KLHL42: variants seen among roughly 807,000 people sequenced by gnomAD.
KLHL42 encodes the protein kelch-like protein 42.
In KLHL42, 27 loss-of-function variants were observed where a neutral mutation model predicts 32.7. The ratio of observed to expected loss-of-function variants is 0.83; its 90% CI spans 0.61 to 1.14. The LOEUF (loss-of-function observed/expected upper bound fraction) is 1.14. Ranked by LOEUF, KLHL42 falls within the 50% of genes most tolerant of loss-of-function variation. The probability of loss-of-function intolerance (pLI) is 0.00; values close to 1 mark genes in which losing one functional copy is unlikely to be tolerated. For missense variants in KLHL42, 491 were observed against 560.8 expected, an observed-to-expected ratio of 0.88 and a Z score of 1.26; for synonymous variants, 267 against 248.2, an observed-to-expected ratio of 1.08 and a Z score of -0.71.
rs1483840109 is a variant in KLHL42 at position 27,798,335 on chromosome 12, G to T, written c.*169G>T. 2 of 546,536 alleles carry T rather than the reference G, an allele frequency of 3.7e-6. No individual in the cohort carries two copies. The highest frequency in any genetic ancestry group is 6.4e-6 in the Non-Finnish European group (2 of 310,416). 33.9% of individuals were successfully genotyped at this position (546,536 alleles called of 1,614,324 possible). On this transcript the variant is annotated 3_prime_UTR_variant, in exon 3 of 3. Coordinates refer to ENST00000381271, the MANE Select transcript of KLHL42 (RefSeq NM_020782.2). The stretch of plus-strand genomic sequence containing the variant: ...ACTTGAACTAATTACTTGAAAACTG[G>T]TGGAAAAAAGAGACCAACTTTGTTA...
chr12:27,786,000 C>G (rs2062170416), intron 1 of KLHL42, among the ~76,000 whole-genome samples: 1 of 152,082 alleles, frequency 6.6e-6, no homozygotes, highest in South Asian at 2.1e-4. Context: ...GGTACTGTTC[C>G]CGCTGCTTTG....
Position 27,791,785 on chromosome 12 carries a change from AC to A in KLHL42, c.951del (p.Tyr317Ter). 6.2e-7 allele frequency: 1 copy of A among 1,614,214 alleles called. No homozygotes were observed. Among genetic ancestry groups the A allele is most frequent in the Non-Finnish European group, 8.5e-7 (1 of 1,180,010 alleles). On this transcript the variant is annotated frameshift_variant, in exon 2 of 3. Coordinates refer to ENST00000381271, the MANE Select transcript of KLHL42 (RefSeq NM_020782.2). LOFTEE classifies it high-confidence loss of function. ...GGQAVSNVECYNPEQDAWNFV... is the reference protein window; with the variant it reads ...GGQAVSNVECXNPEQDAWNFV... The stretch of plus-strand genomic sequence containing the variant: ...CAGGCCGTTTCTAACGTTGAGTGTT[AC>A]AACCCCGAGCAGGATGCGTGGAATT...
Position 27,798,048 on chromosome 12 carries a change from G to A in KLHL42, c.1400G>A (p.Arg467Gln). ...ACCCTGTCGACCAGCTTGGAACACC[G>A]AGTGTTCCTCAAGTACAACATCTTT... ...DVTLSTSLEH[R>Q]VFLKYNIFSD... The change falls in exon 3 of 3, where the codon CGA becomes CAA. Residue 467 changes from arginine to glutamine, a missense_variant. By Grantham distance (43) the Arg-to-Gln change is conservative. Around this residue, in one of 4 missense-constraint regions of KLHL42, gnomAD observed 152 missense variants for 125.9 expected, o/e 1.21. Coordinates refer to ENST00000381271, the MANE Select transcript of KLHL42 (RefSeq NM_020782.2). 1.3e-6 allele frequency: 1 copy of A among 781,048 alleles called. No individual in the cohort carries two copies. The highest frequency in any genetic ancestry group is 2.4e-6 in the Non-Finnish European group (1 of 418,140). 48.4% of individuals were successfully genotyped at this position (781,048 alleles called of 1,614,324 possible). A position where few individuals can be genotyped will look rare whatever the true frequency, so the allele number is the denominator to read the frequency against.
chr12:27,795,855 C>G (rs2062216197), intron 2 of KLHL42, among the ~76,000 whole-genome samples: 1 of 152,168 alleles, frequency 6.6e-6, no homozygotes, highest in Non-Finnish European at 1.5e-5. Context: ...ACAAAAAGAT[C>G]ATTCCACCAA....
chr12:27,786,152 GTTATAACCACTTAAATTGT>G (rs1260691635), intron 1 of KLHL42, among the ~76,000 whole-genome samples: 4 of 152,198 alleles, frequency 2.6e-5, no homozygotes, highest in Non-Finnish European at 4.4e-5. Flanking sequence ...CCATTGAGTA[GTTATAACCACTTAAATTGT>G]TTATAAGTTT....
In KLHL42 at chr12:27,802,666, G is replaced by A. The variant is rs1240642402; in HGVS notation, c.*4500G>A. ...CTGAAATGACTTGTACGGTTGGCTG[G>A]TGCTTTCTCAAATGGATTGCCATAG... On this transcript the variant is annotated 3_prime_UTR_variant, in exon 3 of 3. Transcript: ENST00000381271. The A allele has an allele frequency of 6.6e-6, 1 of 152,504 alleles. No homozygotes were observed. The highest frequency in any genetic ancestry group is 2.1e-4 in the South Asian group (1 of 4,824). 9.4% of individuals were successfully genotyped at this position (152,504 alleles called of 1,614,324 possible). A position where few individuals can be genotyped will look rare whatever the true frequency, so the allele number is the denominator to read the frequency against.
chr12:27,796,322 A>T (rs2062218409), intron 2 of KLHL42, among the ~76,000 whole-genome samples: 1 of 152,210 alleles, frequency 6.6e-6, no homozygotes, highest in African/African-American at 2.4e-5. Context: ...AACTTCTGAG[A>T]AAACGAGCTG....
intron 1 of KLHL42, among the ~76,000 whole-genome samples, chr12:27,786,622 G>A (rs2062172881): frequency 6.6e-6 from 1 of 151,606 alleles, no homozygotes; most frequent in African/African-American, 2.4e-5. Flanking sequence ...ATTTTACTTT[G>A]ATAAAGGGGT....
At chr12:27,796,440 A>G (rs2062218934) in intron 2 of KLHL42, among the ~76,000 whole-genome samples, 1 of 152,220 alleles carries the variant, frequency 6.6e-6, no homozygotes, top group Non-Finnish European at 1.5e-5. Flanking sequence ...TTTGTTTAGA[A>G]ACAACAACAA....
rs546954031 is a variant in KLHL42, at chr12:27,791,486, G to A, written c.873-222G>A. On this transcript the variant is annotated intron_variant, in intron 1 of 2. Transcript: ENST00000381271. The stretch of plus-strand genomic sequence containing the variant: ...TTGTTGTATTGAACTGCTTATCTTC[G>A]ATAGCTAGTGTTTGGACAGTGTGCC... Among the ~76,000 whole-genome samples, 22 of 152,262 alleles carry A rather than the reference G, an allele frequency of 1.4e-4. No individual in the cohort carries two copies. The East Asian group carries it at 2.9e-3, about 20-fold the overall frequency.
intron 2 of KLHL42, among the ~76,000 whole-genome samples, chr12:27,793,362 A>G (rs2062205489): frequency 6.6e-6 from 1 of 151,668 alleles, no homozygotes; most frequent in Non-Finnish European, 1.5e-5. Flanking sequence ...CAACACAGCA[A>G]GACCCCTTCT....
rs916445552 is a variant in KLHL42, at chr12:27,791,618, T to A, written c.873-90T>A. On this transcript the variant is annotated intron_variant, in intron 1 of 2. Coordinates refer to ENST00000381271, the MANE Select transcript of KLHL42 (RefSeq NM_020782.2). Reference sequence around the variant, plus strand: ...ACTGGGAGAGCGAATTTTCTTCAGATGTTCAGGAGAGTCTAGTAGTTCATG... The same window carrying A: ...ACTGGGAGAGCGAATTTTCTTCAGAAGTTCAGGAGAGTCTAGTAGTTCATG... 3 of 1,124,714 alleles carry A rather than the reference T, an allele frequency of 2.7e-6. No individual in the cohort carries two copies. In the African/African-American group the frequency reaches 4.7e-5, roughly 17 times the overall value. The allele number at this position is 1,124,714 out of a possible 1,614,324, so 69.7% of individuals were successfully genotyped here. A position where few individuals can be genotyped will look rare whatever the true frequency, so the allele number is the denominator to read the frequency against.
intron 1 of KLHL42, among the ~76,000 whole-genome samples, chr12:27,783,892 C>T (rs143070721): frequency 0.017 from 2,582 of 152,096 alleles, 36 homozygotes; most frequent in Admixed American, 0.033. Context: ...CCTTACCTCA[C>T]GCTTTTTAAT....
Position 27,801,116 on chromosome 12 carries a change from G to A in KLHL42, c.*2950G>A, listed in dbSNP as rs1378238897. The stretch of plus-strand genomic sequence containing the variant: ...ACAGTATTGGTTAAGTCACAACGAC[G>A]AAGTGCTGAGAAGGTTATGGGTACC... On this transcript the variant is annotated 3_prime_UTR_variant, in exon 3 of 3. Coordinates refer to ENST00000381271, the MANE Select transcript of KLHL42 (RefSeq NM_020782.2). 6.6e-6 allele frequency: 1 copy of A among 152,576 alleles called. No homozygotes were observed. Among genetic ancestry groups the A allele is most frequent in the Non-Finnish European group, 1.5e-5 (1 of 68,026 alleles). 9.5% of individuals were successfully genotyped at this position (152,576 alleles called of 1,614,324 possible).
Position 27,798,488 on chromosome 12 carries a change from A to G in KLHL42, c.*322A>G. On this transcript the variant is annotated 3_prime_UTR_variant, in exon 3 of 3. Coordinates refer to ENST00000381271, the MANE Select transcript of KLHL42 (RefSeq NM_020782.2). ...GTGTGGTAAAGGGCCAAAGTCAATA[A>G]TTGGGACAAATGGTAAAGATGATTT... 1 of 265,584 alleles carries G rather than the reference A, an allele frequency of 3.8e-6. No homozygotes were observed. Among genetic ancestry groups the G allele is most frequent in the Non-Finnish European group, 7.2e-6 (1 of 139,024 alleles). The allele number at this position is 265,584 out of a possible 1,614,324, so 16.5% of individuals were successfully genotyped here. A position where few individuals can be genotyped will look rare whatever the true frequency, so the allele number is the denominator to read the frequency against.
At chr12:27,796,186 C>T (rs913762659) in intron 2 of KLHL42, among the ~76,000 whole-genome samples, 7 of 152,210 alleles carry the variant, frequency 4.6e-5, no homozygotes, top group Non-Finnish European at 7.3e-5. Flanking sequence ...GACATGTGCG[C>T]GCACAGGACT....
At position 27,800,116 on chromosome 12, in the gene KLHL42, A is replaced by G; in HGVS notation, c.*1950A>G. The G allele has an allele frequency of 1.0e-6, 1 of 984,876 alleles. No individual in the cohort carries two copies. Among genetic ancestry groups the G allele is most frequent in the Non-Finnish European group, 1.2e-6 (1 of 829,422 alleles). The allele number at this position is 984,876 out of a possible 1,614,324, so 61.0% of individuals were successfully genotyped here. The stretch of plus-strand genomic sequence containing the variant: ...ACTTTTTAAAGGCTTTGTCCTATAC[A>G]TTTAGAAGATGAGTCAGTTGAATTA... On this transcript the variant is annotated 3_prime_UTR_variant, in exon 3 of 3. Transcript: ENST00000381271.
In KLHL42 at chr12:27,797,935, C is replaced by G. The variant is rs527486946; in HGVS notation, c.1287C>G (p.Leu429=). 1.3e-6 allele frequency: 1 copy of G among 781,008 alleles called. No individual in the cohort carries two copies. The highest frequency in any genetic ancestry group is 1.3e-5 in the South Asian group (1 of 74,630). The allele number at this position is 781,008 out of a possible 1,614,324, so 48.4% of individuals were successfully genotyped here. The part of the protein sequence containing the change: ...QSYNTVTRQW[L]YLKENTSKSG... ...ACAACACCGTCACCCGCCAGTGGCT[C>G]TACCTCAAGGAGAACACGTCCAAAT... Residue 429 remains leucine, a synonymous_variant, in exon 3 of 3, where the codon CTC becomes CTG. Transcript: ENST00000381271.
In KLHL42 at chr12:27,780,504, C is replaced by T; in HGVS notation, c.174C>T (p.Ser58=). ...AGGTGCAGCAGCTGCGCGGCCTCAG[C>T]GCGCCGGGCCTGCGGCTGGTGCTGG... ...GPEVQQLRGL[S]APGLRLVLDF... Residue 58 remains serine (S), a synonymous_variant, in exon 1 of 3, where the codon AGC becomes AGT. Transcript: ENST00000381271. This position sits in a 1 kb window ranked among gnomAD's most constrained non-coding sequence, Gnocchi z 8.8. 1 of 1,540,456 alleles carries T rather than the reference C, an allele frequency of 6.5e-7. No homozygotes were observed. The highest frequency in any genetic ancestry group is 8.7e-7 in the Non-Finnish European group (1 of 1,145,420).
Sources: gnomAD v4.1 joint callset for allele counts (sites outside exome capture counted in the v4.1 genomes callset) on GRCh38, gnomAD v4.1.1 for gene constraint, gnomAD v4.1.1 regional missense constraint, Gnocchi (gnomAD v3.1) non-coding constraint, MANE v1.5 for transcripts, NCBI Gene and HGNC (gene_info 2026-07-23, HGNC 2026-07-21) for gene names.